Variants in PLAAT4 observed in about 807,000 individuals in gnomAD.
The protein encoded by PLAAT4 is HRAS-like suppressor 4.
A neutral mutation model predicts 14.1 loss-of-function variants in PLAAT4; 12 were observed. That is an observed-to-expected ratio of 0.85 (90% confidence interval 0.54 to 1.37). The LOEUF (loss-of-function observed/expected upper bound fraction) is 1.37. PLAAT4 is among the 40% of genes most tolerant of loss of function. The pLI is 0.00. For synonymous variants in PLAAT4, 77 were observed against 79.8 expected (o/e 0.96, Z 0.19); for missense variants, 163 against 211.7 (o/e 0.77, Z 1.43).
At chr11:63,538,249 G>T (rs972188871) in intron 1 of PLAAT4, 2 of 276,120 alleles carry the variant, frequency 7.2e-6, no homozygotes, top group Non-Finnish European at 1.4e-5. Context: ...TGCCCACAGG[G>T]TGTGTCCTGG....
At position 63,544,820 on chromosome 11, in the gene PLAAT4, CA is replaced by C; in HGVS notation, c.319del (p.Ser107ValfsTer3). ...KEMVGQKMKY[S>X]IVSRNCEHFV... is the part of the protein sequence containing the mutation. ...AGATGGTTGGTCAGAAGATGAAGTA[CA>C]GTATTGTGAGCAGGAACTGTGAGCA... On this transcript the variant is annotated frameshift_variant, in exon 3 of 4. Coordinates refer to ENST00000255688, the MANE Select transcript of PLAAT4 (RefSeq NM_004585.5). LOFTEE classifies it high-confidence loss of function. The C allele has an allele frequency of 6.2e-7, 1 of 1,614,184 alleles. No individual in the cohort carries two copies. The highest frequency in any genetic ancestry group is 1.1e-5 in the South Asian group (1 of 91,084).
intron 1 of PLAAT4, 21 bp from the exon 2 acceptor site, chr11:63,539,494 AT>A (rs756229552): frequency 1.1e-5 from 18 of 1,600,948 alleles, no homozygotes; most frequent in Non-Finnish European, 1.5e-5. Flanking sequence ...CGGGTACTCC[AT>A]CTCTGGCTTT....
intron 1 of PLAAT4, among the ~76,000 whole-genome samples, chr11:63,538,944 C>A (rs1002236067): frequency 6.6e-6 from 1 of 152,148 alleles, no homozygotes; most frequent in Non-Finnish European, 1.5e-5. Flanking sequence ...CCACAAGACC[C>A]CACTCAGGTC....
chr11:63,542,424 GA>G (rs1311896089), intron 2 of PLAAT4, among the ~76,000 whole-genome samples: 1 of 152,196 alleles, frequency 6.6e-6, no homozygotes, highest in Non-Finnish European at 1.5e-5. Context: ...ATAGGACACA[GA>G]AAGCCTAAAC....
chr11:63,542,497 G>A (rs541208052), intron 2 of PLAAT4, among the ~76,000 whole-genome samples: 3 of 152,286 alleles, frequency 2.0e-5, no homozygotes, highest in East Asian at 3.9e-4. Context: ...TTGGTAGGAG[G>A]AAGATTGTCA....
chr11:63,539,680 G>A, intron 2 of PLAAT4, 56 bp downstream of exon 2: 1 of 1,367,962 alleles, frequency 7.3e-7, no homozygotes, highest in Non-Finnish European at 1.0e-6. Flanking sequence ...ATAATGAGAG[G>A]GCCGGGCACG....
At chr11:63,537,500 G>A (rs2017280421) in intron 1 of PLAAT4, among the ~76,000 whole-genome samples, 1 of 152,146 alleles carries the variant, frequency 6.6e-6, no homozygotes, top group Non-Finnish European at 1.5e-5. Context: ...CCGGGAAGGA[G>A]TCCTGCAAAT....
At chr11:63,537,867 A>G (rs1236012245) in intron 1 of PLAAT4, among the ~76,000 whole-genome samples, 1 of 152,122 alleles carries the variant, frequency 6.6e-6, no homozygotes, top group African/African-American at 2.4e-5. Context: ...AGGAGCACAC[A>G]GGATCCTGCC....
intron 1 of PLAAT4, among the ~76,000 whole-genome samples, chr11:63,537,184 G>A (rs1406770827): frequency 6.6e-6 from 1 of 152,122 alleles, no homozygotes; most frequent in African/African-American, 2.4e-5. Flanking sequence ...GCCAGAGTGT[G>A]GGCAGGTGGG....
At chr11:63,539,681 G>T in intron 2 of PLAAT4, 57 bp downstream of exon 2, 1 of 1,369,370 alleles carries the variant, frequency 7.3e-7, no homozygotes, top group South Asian at 1.2e-5. Context: ...TAATGAGAGG[G>T]CCGGGCACGG....
intron 2 of PLAAT4, among the ~76,000 whole-genome samples, chr11:63,543,887 C>A (rs566035898): frequency 6.6e-6 from 1 of 152,196 alleles, no homozygotes; most frequent in South Asian, 2.1e-4. Context: ...AAGGAGCCTG[C>A]CCTTTGGGGC....
chr11:63,544,647 A>T lies in PLAAT4; in HGVS notation c.145A>T (p.Ser49Cys). The T allele has an allele frequency of 2.5e-6, 4 of 1,613,758 alleles. No homozygotes were observed. Among genetic ancestry groups the T allele is most frequent in the Non-Finnish European group, 3.4e-6 (4 of 1,179,678 alleles). The change falls in exon 3 of 4, where the codon AGT becomes TGT. Residue 49 changes from serine (S) to cysteine (C), a missense_variant. By Grantham distance (112) the Ser-to-Cys change is moderately radical (BLOSUM62 -1). Transcript: ENST00000255688. ...TGAGTACCCCGGGGCTGGCTCCTCC[A>T]GTGTCTTCTCAGTCCTGAGCAACAG... is the stretch of plus-strand genomic sequence containing the variant. ...PSEYPGAGSSSVFSVLSNSAE... is the reference protein window; with the variant it reads ...PSEYPGAGSSCVFSVLSNSAE...
At chr11:63,539,433 A>G in intron 1 of PLAAT4, 83 bp from the exon 2 acceptor site, 1 of 1,127,798 alleles carries the variant, frequency 8.9e-7, no homozygotes, top group South Asian at 1.2e-5. Context: ...AGGCGTCTCC[A>G]GGATGAGCTG....
intron 1 of PLAAT4, chr11:63,538,330 G>C (rs980883573): frequency 2.7e-6 from 1 of 367,528 alleles, no homozygotes; most frequent in Non-Finnish European, 5.4e-6. Flanking sequence ...TGAGGAGTTG[G>C]ATATGGAGTG....
At chr11:63,543,732 C>T (rs1027438504) in intron 2 of PLAAT4, among the ~76,000 whole-genome samples, 27 of 152,212 alleles carry the variant, frequency 1.8e-4, no homozygotes, top group African/African-American at 6.5e-4. Context: ...AATAAGATAA[C>T]ACCTGGAGTC....
intron 1 of PLAAT4, among the ~76,000 whole-genome samples, chr11:63,537,951 G>T (rs1022013529): frequency 6.6e-6 from 1 of 152,224 alleles, no homozygotes. Flanking sequence ...CCTGCAGAGA[G>T]CAGCAGAGGC....
intron 1 of PLAAT4, among the ~76,000 whole-genome samples, chr11:63,537,219 C>A (rs988969026): frequency 6.6e-6 from 1 of 152,112 alleles, no homozygotes; most frequent in African/African-American, 2.4e-5. Flanking sequence ...GGGAAGCAAG[C>A]AAATCCCAAC....
intron 2 of PLAAT4, 49 bp from the exon 3 acceptor site, chr11:63,544,572 C>G: frequency 1.9e-6 from 3 of 1,562,028 alleles, no homozygotes; most frequent in Middle Eastern, 1.9e-4. Flanking sequence ...TCAAGCCCTT[C>G]TCTCCCTACT....
At chr11:63,545,410 G>C (rs1004928335) in intron 3 of PLAAT4, 2 of 191,494 alleles carry the variant, frequency 1.0e-5, no homozygotes, top group African/African-American at 4.6e-5. Flanking sequence ...AACCCCAGCT[G>C]TCCCTTTCTA....
Sources: allele counts gnomAD v4.1 joint callset (sites outside exome capture counted in the v4.1 genomes callset), GRCh38; gene constraint gnomAD v4.1.1; transcripts MANE v1.5; gene names NCBI Gene and HGNC (gene_info 2026-07-23, HGNC 2026-07-21).